EXT1: variants seen among roughly 807,000 people sequenced by gnomAD.
The protein encoded by EXT1 is exostosin-1.
A neutral mutation model predicts 82.5 loss-of-function variants in EXT1; 20 were observed. The observed-to-expected ratio is 0.24, with a 90% CI of 0.17 to 0.35. The LOEUF (loss-of-function observed/expected upper bound fraction) is 0.35. Among genes scored for constraint, EXT1 ranks in the 10% least tolerant of loss-of-function variants. The pLI is 1.00. For synonymous variants in EXT1, 348 were observed against 350.8 expected (o/e 0.99, Z 0.09); for missense variants, 757 against 936.5 (o/e 0.81, Z 2.50).
At chr8:118,087,083 TTCAA>T (rs1191560262) in intron 1 of EXT1, among the ~76,000 whole-genome samples, 2 of 152,204 alleles carry the variant, frequency 1.3e-5, no homozygotes, top group Non-Finnish European at 2.9e-5. Flanking sequence ...AATTCGCCAC[TTCAA>T]GGCTCGTGCC....
chr8:118,072,797 T>C (rs1288554679), intron 1 of EXT1, among the ~76,000 whole-genome samples: 3 of 152,318 alleles, frequency 2.0e-5, no homozygotes, highest in South Asian at 4.1e-4. Context: ...TAACAAAATG[T>C]TTCAAGTCAG....
At chr8:117,870,849 A>ACACACACACAC (rs1563586218) in intron 1 of EXT1, among the ~76,000 whole-genome samples, 1 of 151,696 alleles carries the variant, frequency 6.6e-6, no homozygotes, top group African/African-American at 2.4e-5. Context: ...ACACACACAC[A>ACACACACACAC]AAAGATTGAA....
intron 1 of EXT1, among the ~76,000 whole-genome samples, chr8:117,931,873 TG>T (rs1182338660): frequency 1.3e-5 from 2 of 152,214 alleles, no homozygotes; most frequent in Non-Finnish European, 2.9e-5. Flanking sequence ...CCTAGATTTT[TG>T]ATCACTTGAA....
chr8:117,903,766 G>A (rs1813493782), intron 1 of EXT1, among the ~76,000 whole-genome samples: 1 of 152,226 alleles, frequency 6.6e-6, no homozygotes, highest in South Asian at 2.1e-4. Flanking sequence ...GTACGGACAG[G>A]CTCAATACCA....
rs534689472 is a variant in EXT1, at chr8:117,926,004, G to A, written c.963-88803C>T. ...TTTGGCTTCTCAATTTTAAAGTTAA[G>A]GAAACCAAGACCCAAAGGGTTAAGC... On this transcript the variant is annotated intron_variant, in intron 1 of 10. Transcript: ENST00000378204. Among the ~76,000 whole-genome samples the A allele has an allele frequency of 7.8e-4, 119 of 152,264 alleles. 1 individual carries two copies. The Middle Eastern group carries it at 0.01, about 13-fold the overall frequency.
chr8:117,850,772 A>G (rs1444304770), intron 1 of EXT1, among the ~76,000 whole-genome samples: 3 of 152,198 alleles, frequency 2.0e-5, no homozygotes, highest in Non-Finnish European at 4.4e-5. Flanking sequence ...GCCAAGTGCC[A>G]AAAGTCAACC....
At chr8:117,905,753 A>G (rs1813532279) in intron 1 of EXT1, among the ~76,000 whole-genome samples, 1 of 152,232 alleles carries the variant, frequency 6.6e-6, no homozygotes, top group Non-Finnish European at 1.5e-5. Context: ...CGGAGCTTGC[A>G]GTGAGCCGAG....
At chr8:117,893,951 C>T (rs971961889) in intron 1 of EXT1, among the ~76,000 whole-genome samples, 2 of 152,304 alleles carry the variant, frequency 1.3e-5, no homozygotes, top group Admixed American at 6.5e-5. Flanking sequence ...GATCTGATCA[C>T]CCTGGCCTGC....
chr8:117,858,782 CAGG>C (rs1197198845), intron 1 of EXT1, among the ~76,000 whole-genome samples: 15 of 109,010 alleles, frequency 1.4e-4, no homozygotes, highest in African/African-American at 5.8e-4. Flanking sequence ...GGCAGGCAGG[CAGG>C]CAGGCAAGGC....
intron 1 of EXT1, among the ~76,000 whole-genome samples, chr8:117,870,437 G>T (rs1325208619): frequency 6.6e-6 from 1 of 150,456 alleles, no homozygotes. Context: ...GGATACAAAG[G>T]TGATCCTCTG....
chr8:118,018,525 G>C (rs1816044130), intron 1 of EXT1, among the ~76,000 whole-genome samples: 1 of 152,118 alleles, frequency 6.6e-6, no homozygotes. Context: ...AGAACTGTGA[G>C]GTTTGGGTTA....
At position 117,973,990 on chromosome 8, in the gene EXT1, T is replaced by C. The variant is rs558729551; in HGVS notation, c.962+136095A>G. Among the ~76,000 whole-genome samples the C allele has an allele frequency of 1.3e-3, 108 of 80,088 alleles. No homozygotes were observed. In the South Asian group the frequency reaches 0.022, roughly 16 times the overall value. The allele number at this position is 80,088 out of a possible 152,430, so 52.5% of individuals were successfully genotyped here. On this transcript the variant is annotated intron_variant, in intron 1 of 10. Transcript: ENST00000378204. Reference sequence around the variant, plus strand: ...GGAAGGAAGGAAGGAAGGAAGGAAATAAATGTCTTTTGGACCAGTGTAGAC... The same window carrying C: ...GGAAGGAAGGAAGGAAGGAAGGAAACAAATGTCTTTTGGACCAGTGTAGAC...
chr8:118,088,493 TAAA>T (rs555973998), intron 1 of EXT1, among the ~76,000 whole-genome samples: 1 of 130,164 alleles, frequency 7.7e-6, no homozygotes, highest in Non-Finnish European at 1.6e-5. Context: ...TAGTAATGCT[TAAA>T]AAAAAAAAAA....
intron 1 of EXT1, among the ~76,000 whole-genome samples, chr8:117,908,654 A>G (rs540255594): frequency 6.6e-6 from 1 of 152,180 alleles, no homozygotes; most frequent in South Asian, 2.1e-4. Context: ...AACAAAAAAA[A>G]CCAACAAAAA....
intron 1 of EXT1, among the ~76,000 whole-genome samples, chr8:117,868,834 T>C (rs2129885085): frequency 6.6e-6 from 1 of 152,252 alleles, no homozygotes; most frequent in East Asian, 1.9e-4. Context: ...TATGAAAATA[T>C]GTCACGGAAC....
At chr8:117,856,252 C>CTT (rs941357298) in intron 1 of EXT1, among the ~76,000 whole-genome samples, 6 of 135,648 alleles carry the variant, frequency 4.4e-5, no homozygotes, top group Non-Finnish European at 6.4e-5. Flanking sequence ...AAGGCTTTTT[C>CTT]TTTTTTTTTT....
At chr8:117,892,037 C>T (rs1435200909) in intron 1 of EXT1, among the ~76,000 whole-genome samples, 7 of 152,008 alleles carry the variant, frequency 4.6e-5, no homozygotes, top group Admixed American at 4.6e-4. Context: ...AAACTCCTGA[C>T]CTCGTGATCC....
chr8:118,047,328 T>C (rs1403777007), intron 1 of EXT1, among the ~76,000 whole-genome samples: 1 of 152,214 alleles, frequency 6.6e-6, no homozygotes, highest in African/African-American at 2.4e-5. Flanking sequence ...TTACTAGCTA[T>C]GTGACCTTGC....
intron 1 of EXT1, among the ~76,000 whole-genome samples, chr8:118,038,895 A>T (rs1816474291): frequency 6.6e-6 from 1 of 152,210 alleles, no homozygotes; most frequent in African/African-American, 2.4e-5. Flanking sequence ...TATAGATCCA[A>T]CATCTCACAA....
Sources: gnomAD v4.1 joint callset for allele counts (sites outside exome capture counted in the v4.1 genomes callset) on GRCh38, gnomAD v4.1.1 for gene constraint, MANE v1.5 for transcripts, NCBI Gene and HGNC (gene_info 2026-07-23, HGNC 2026-07-21) for gene names.